Variants in ACAP2 observed in about 807,000 individuals in gnomAD.
ACAP2 encodes the protein ArfGAP with coiled-coil, ankyrin repeat and PH domains 2.
A neutral mutation model predicts 115.8 loss-of-function variants in ACAP2; 39 were observed. The ratio of observed to expected loss-of-function variants is 0.34; its 90% CI spans 0.26 to 0.44. The LOEUF is 0.44. Ranked by LOEUF, ACAP2 falls within the 20% of genes least tolerant of loss-of-function variation. ACAP2 has a pLI of 1.00. For missense variants in ACAP2, 662 were observed against 927.6 expected (o/e 0.71, Z 3.72); for synonymous variants, 289 against 315.8 (o/e 0.92, Z 0.90).
At chr3:195,298,691 G>A (rs140333256) in intron 15 of ACAP2, among the ~76,000 whole-genome samples, 1 of 151,980 alleles carries the variant, frequency 6.6e-6, no homozygotes, top group Admixed American at 6.5e-5. Flanking sequence ...GAGTGCAATG[G>A]CACAATCTCG....
intron 10 of ACAP2, among the ~76,000 whole-genome samples, chr3:195,315,738 A>G (rs539599100): frequency 2.0e-5 from 3 of 152,210 alleles, no homozygotes; most frequent in Non-Finnish European, 4.4e-5. Flanking sequence ...ATCTCCTTTA[A>G]AAACAGCCTA....
intron 8 of ACAP2, among the ~76,000 whole-genome samples, chr3:195,328,724 C>T (rs566854624): frequency 6.6e-6 from 1 of 152,268 alleles, no homozygotes; most frequent in Non-Finnish European, 1.5e-5. Flanking sequence ...CAAATATGCA[C>T]GCATATACTT....
At chr3:195,309,787 T>C (rs1053445641) in intron 10 of ACAP2, among the ~76,000 whole-genome samples, 1 of 152,204 alleles carries the variant, frequency 6.6e-6, no homozygotes, top group Non-Finnish European at 1.5e-5. Context: ...CACTCAACTA[T>C]TTATATGGTT....
intron 1 of ACAP2, among the ~76,000 whole-genome samples, chr3:195,396,605 T>C (rs931525346): frequency 6.6e-6 from 1 of 151,632 alleles, no homozygotes; most frequent in African/African-American, 2.4e-5. Context: ...CTGGCCAACA[T>C]GGTGAAAACC....
rs769011410 is a variant in ACAP2 at position 195,426,460 on chromosome 3, T to C, written c.53+16335A>G. Among the ~76,000 whole-genome samples, 27 of 152,200 alleles carry C rather than the reference T, an allele frequency of 1.8e-4. 1 individual carries two copies. Among genetic ancestry groups the C allele is most frequent in the Non-Finnish European group, 3.4e-4 (23 of 68,038 alleles). On this transcript the variant is annotated intron_variant, in intron 1 of 22. Coordinates refer to ENST00000326793, the MANE Select transcript of ACAP2 (RefSeq NM_012287.6). ...GGGGGCCATTCTAAAAGATAATTAG[T>C]CTAAACTCTTCAGAAAAGCAAGTAA...
chr3:195,405,188 C>T (rs1423366835), intron 1 of ACAP2, among the ~76,000 whole-genome samples: 2 of 152,182 alleles, frequency 1.3e-5, no homozygotes, highest in Admixed American at 6.5e-5. Context: ...ACGGACAGAT[C>T]GAGATCTGTG....
At chr3:195,360,968 C>T (rs189621971) in intron 4 of ACAP2, among the ~76,000 whole-genome samples, 4 of 69,884 alleles carry the variant, frequency 5.7e-5, no homozygotes, top group Non-Finnish European at 8.4e-5. Flanking sequence ...GGTCACAAAA[C>T]AAGTGGTAAG....
rs182354871 is a variant in ACAP2, at chr3:195,337,074, C to T, written c.529-98G>A. 356 of 1,114,510 alleles carry T rather than the reference C, an allele frequency of 3.2e-4. No individual in the cohort carries two copies. In the East Asian group the frequency reaches 9.2e-3, roughly 29 times the overall value. 69.0% of individuals were successfully genotyped at this position (1,114,510 alleles called of 1,614,324 possible). A position where few individuals can be genotyped will look rare whatever the true frequency, so the allele number is the denominator to read the frequency against. Reference sequence around the variant, plus strand: ...CTTATTTTAATGGTTTAATACTTTTCGAAAAAGCAAATAAAAACAAAGCTC... The same window carrying T: ...CTTATTTTAATGGTTTAATACTTTTTGAAAAAGCAAATAAAAACAAAGCTC... On this transcript the variant is annotated intron_variant, in intron 6 of 22. Transcript: ENST00000326793.
chr3:195,392,893 C>A (rs1734771760), intron 1 of ACAP2, among the ~76,000 whole-genome samples: 1 of 152,180 alleles, frequency 6.6e-6, no homozygotes, highest in African/African-American at 2.4e-5. Context: ...AATTCATCTA[C>A]TTTAAGTCAT....
intron 4 of ACAP2, among the ~76,000 whole-genome samples, chr3:195,376,131 C>T (rs912838620): frequency 1.3e-5 from 2 of 152,114 alleles, no homozygotes; most frequent in African/African-American, 4.8e-5. Flanking sequence ...CAGTGGCTCA[C>T]ACCTGTAATC....
Position 195,392,136 on chromosome 3 carries a change from T to C in ACAP2, c.65A>G (p.Glu22Gly). ...KDSPRFRAAL[E>G]EVEGDVAELE... Reference sequence around the variant, plus strand: ...TTCTGCCACATCACCTTCTACTTCTTCCAAAGCTGCCCTAGAAAAATTAAA... The same window carrying C: ...TTCTGCCACATCACCTTCTACTTCTCCCAAAGCTGCCCTAGAAAAATTAAA... The change falls in exon 2 of 23, where the codon GAA becomes GGA. Residue 22 changes from glutamate to glycine, a missense_variant. Glu to Gly is a moderately conservative substitution (Grantham distance 98). This residue lies in a region of ACAP2 where 401 missense variants were observed against 604.4 expected (regional missense o/e 0.66). Coordinates refer to ENST00000326793, the MANE Select transcript of ACAP2 (RefSeq NM_012287.6). 1 of 1,612,500 alleles carries C rather than the reference T, an allele frequency of 6.2e-7. No homozygotes were observed. The highest frequency in any genetic ancestry group is 8.5e-7 in the Non-Finnish European group (1 of 1,179,252).
At chr3:195,304,640 T>C (rs1162006574) in intron 13 of ACAP2, among the ~76,000 whole-genome samples, 2 of 152,188 alleles carry the variant, frequency 1.3e-5, no homozygotes, top group Non-Finnish European at 2.9e-5. Context: ...AGCCAGAGGA[T>C]TAAATGAACA....
At chr3:195,385,437 A>G (rs79440185) in intron 2 of ACAP2, among the ~76,000 whole-genome samples, 3,823 of 151,680 alleles carry the variant, frequency 0.025, 143 homozygotes, top group African/African-American at 0.083. Context: ...GGTGGCAGAG[A>G]AGGGAAAGGA....
In ACAP2 at chr3:195,294,793, C is replaced by A. The variant is rs17855020; in HGVS notation, c.1691G>T (p.Gly564Val). Residue 564 changes from glycine to valine, a missense_variant, in exon 18 of 23, where the codon GGA (glycine) becomes GTA (valine). Gly to Val is a moderately radical substitution (Grantham distance 109). Transcript: ENST00000326793. ...AQSSVRSNDSGIQQSSDDGRE... is the reference protein window; with the variant it reads ...AQSSVRSNDSVIQQSSDDGRE... The stretch of plus-strand genomic sequence containing the variant: ...TCCATCATCAGAGCTCTGCTGAATT[C>A]CACTGTCATTACTTCTGACTGTTTT... The A allele has an allele frequency of 1.2e-6, 2 of 1,602,062 alleles. No homozygotes were observed. The highest frequency in any genetic ancestry group is 2.7e-5 in the African/African-American group (2 of 74,572).
At chr3:195,411,518 T>C (rs1052306186) in intron 1 of ACAP2, among the ~76,000 whole-genome samples, 13 of 152,222 alleles carry the variant, frequency 8.5e-5, no homozygotes, top group Non-Finnish European at 1.9e-4. Flanking sequence ...ATAAGTTTTA[T>C]GTTATGTGTA....
intron 15 of ACAP2, among the ~76,000 whole-genome samples, chr3:195,300,016 T>C (rs1378818952): frequency 6.6e-6 from 1 of 151,804 alleles, no homozygotes; most frequent in Non-Finnish European, 1.5e-5. Flanking sequence ...TAGTATCTAC[T>C]TTCCGTCTTT....
At chr3:195,437,885 CT>C (rs1186712431) in intron 1 of ACAP2, among the ~76,000 whole-genome samples, 2,679 of 90,734 alleles carry the variant, frequency 0.03, 25 homozygotes, top group African/African-American at 0.056. Context: ...ACTTTACATG[CT>C]TTTTTTTTTT....
At chr3:195,400,049 A>ATG (rs1404896838) in intron 1 of ACAP2, among the ~76,000 whole-genome samples, 1 of 151,786 alleles carries the variant, frequency 6.6e-6, no homozygotes, top group Non-Finnish European at 1.5e-5. Flanking sequence ...ATGGTGGCGC[A>ATG]TGCCTGTAAT....
At chr3:195,375,507 C>CAA (rs77856053) in intron 4 of ACAP2, among the ~76,000 whole-genome samples, 2 of 103,718 alleles carry the variant, frequency 1.9e-5, no homozygotes, top group Non-Finnish European at 2.2e-5. Flanking sequence ...ATCAACTGTA[C>CAA]AAAAAAAAAA....
Sources: gnomAD v4.1 joint callset for allele counts (sites outside exome capture counted in the v4.1 genomes callset) on GRCh38, gnomAD v4.1.1 for gene constraint, gnomAD v4.1.1 regional missense constraint, MANE v1.5 for transcripts, NCBI Gene and HGNC (gene_info 2026-07-23, HGNC 2026-07-21) for gene names.